Variants in EXTL3 observed in about 807,000 individuals in gnomAD.
EXTL3 encodes the protein exostosin like glycosyltransferase 3.
A neutral mutation model predicts 69.3 loss-of-function variants in EXTL3; 27 were observed. The observed-to-expected ratio is 0.39, with a 90% CI of 0.29 to 0.54. The LOEUF (loss-of-function observed/expected upper bound fraction) is 0.54. Among genes scored for constraint, EXTL3 ranks in the 20% least tolerant of loss-of-function variants. EXTL3 has a pLI of 0.69. For missense variants in EXTL3, 1,003 were observed against 1,231.8 expected (o/e 0.81, Z 2.78); for synonymous variants, 511 against 499.4 (o/e 1.02, Z -0.31).
intron 2 of EXTL3, among the ~76,000 whole-genome samples, chr8:28,713,815 T>C (rs1445245128): frequency 3.3e-5 from 5 of 152,188 alleles, no homozygotes; most frequent in African/African-American, 4.8e-5. Flanking sequence ...TCAGGTGTTC[T>C]TTGTAATGGA....
intron 1 of EXTL3, among the ~76,000 whole-genome samples, chr8:28,643,761 T>G (rs188973945): frequency 5.3e-5 from 8 of 152,210 alleles, no homozygotes; most frequent in African/African-American, 4.8e-5. Context: ...TTCTTAACAA[T>G]ATAGGTTTTG....
At chr8:28,747,647 G>T (rs1224570614) in intron 6 of EXTL3, among the ~76,000 whole-genome samples, 1 of 151,550 alleles carries the variant, frequency 6.6e-6, no homozygotes, top group African/African-American at 2.4e-5. Context: ...CCTGTCTATC[G>T]TGGTGACTTA....
At chr8:28,645,403 C>A (rs1806811823) in intron 1 of EXTL3, among the ~76,000 whole-genome samples, 1 of 152,108 alleles carries the variant, frequency 6.6e-6, no homozygotes, top group Non-Finnish European at 1.5e-5. Flanking sequence ...GGGGATTTAA[C>A]ACATAAGTAC....
intron 3 of EXTL3, among the ~76,000 whole-genome samples, chr8:28,727,613 A>G (rs528888857): frequency 2.0e-5 from 3 of 152,342 alleles, no homozygotes; most frequent in East Asian, 3.9e-4. Flanking sequence ...AAGTAACTTC[A>G]GATTTTGCAA....
At chr8:28,679,400 C>T (rs1201951232) in intron 1 of EXTL3, among the ~76,000 whole-genome samples, 7 of 152,052 alleles carry the variant, frequency 4.6e-5, no homozygotes, top group Admixed American at 4.6e-4. Flanking sequence ...GAACCAAGAT[C>T]GTGCCACTAC....
At chr8:28,653,503 G>A (rs1806959198) in intron 1 of EXTL3, among the ~76,000 whole-genome samples, 1 of 152,056 alleles carries the variant, frequency 6.6e-6, no homozygotes, top group Non-Finnish European at 1.5e-5. Context: ...TTATAGTTCT[G>A]CCTCTTAAAT....
chr8:28,717,321 G>A lies in EXTL3; in HGVS notation c.1262G>A (p.Arg421His), dbSNP rs1216614157. ...GCACTGTGTGGAGAGCGGGAGGACC[G>A]CTTGGAATTGCTGAAGCTCTCCACC... ...EWALCGERED[R>H]LELLKLSTFA... The change falls in exon 3 of 7, where the codon CGC becomes CAC. Residue 421 changes from arginine to histidine, a missense_variant. Coordinates refer to ENST00000220562, the MANE Select transcript of EXTL3 (RefSeq NM_001440.4). The surrounding 1 kb of genome is among the most constrained non-coding windows in gnomAD (Gnocchi z 8.3). 5 of 1,614,062 alleles carry A rather than the reference G, an allele frequency of 3.1e-6. No homozygotes were observed. The highest frequency in any genetic ancestry group is 1.7e-6 in the Non-Finnish European group (2 of 1,180,036).
chr8:28,715,928 G>T lies in EXTL3; in HGVS notation c.-132G>T. On this transcript the variant is annotated 5_prime_UTR_variant, in exon 3 of 7. Coordinates refer to ENST00000220562, the MANE Select transcript of EXTL3 (RefSeq NM_001440.4). ...GGAAAATGAAATGTTCATTTTATTT[G>T]GTGCCTTGTCTGGGGAGCACACTAA... 1 of 689,260 alleles carries T rather than the reference G, an allele frequency of 1.5e-6. No homozygotes were observed. Among genetic ancestry groups the T allele is most frequent in the Non-Finnish European group, 2.4e-6 (1 of 409,288 alleles). The allele number at this position is 689,260 out of a possible 1,614,324, so 42.7% of individuals were successfully genotyped here.
chr8:28,717,009 C>A lies in EXTL3; in HGVS notation c.950C>A (p.Ser317Ter), dbSNP rs1187100125. 1 of 1,614,238 alleles carries A rather than the reference C, an allele frequency of 6.2e-7. No homozygotes were observed. The highest frequency in any genetic ancestry group is 8.5e-7 in the Non-Finnish European group (1 of 1,180,038). Residue 317 changes from serine (S) to a stop codon, truncating the protein, a stop_gained, in exon 3 of 7, where the codon TCA becomes TAA. Transcript: ENST00000220562. LOFTEE classifies it high-confidence loss of function. This position sits in a 1 kb window ranked among gnomAD's most constrained non-coding sequence, Gnocchi z 8.3. The part of the protein sequence containing the change: ...QYRPGFDLVV[S>*]PLVHAMSEPN... Reference sequence around the variant, plus strand: ...AGACCTGGCTTTGACTTGGTCGTATCACCGCTGGTCCATGCCATGTCTGAG... The same window carrying A: ...AGACCTGGCTTTGACTTGGTCGTATAACCGCTGGTCCATGCCATGTCTGAG...
At chr8:28,749,623 T>TTTCATTCATTCATTCA (rs139624117) in intron 6 of EXTL3, among the ~76,000 whole-genome samples, 13 of 150,616 alleles carry the variant, frequency 8.6e-5, no homozygotes, top group Non-Finnish European at 1.9e-4. Context: ...CCTCTGAGGA[T>TTTCATTCATTCATTCA]TTCATTCATT....
intron 1 of EXTL3, among the ~76,000 whole-genome samples, chr8:28,642,281 T>TA (rs916052577): frequency 3.3e-5 from 5 of 150,948 alleles, no homozygotes; most frequent in African/African-American, 1.2e-4. Flanking sequence ...CCATCTCTAT[T>TA]AAAAAAAATA....
At chr8:28,647,383 G>A (rs352414) in intron 1 of EXTL3, among the ~76,000 whole-genome samples, 19,489 of 152,158 alleles carry the variant, frequency 0.13, 1,441 homozygotes, top group South Asian at 0.24. Context: ...GGGATTACAG[G>A]CCTCAATTTA....
At chr8:28,721,714 C>A (rs1407054658) in intron 3 of EXTL3, among the ~76,000 whole-genome samples, 1 of 152,224 alleles carries the variant, frequency 6.6e-6, no homozygotes, top group Non-Finnish European at 1.5e-5. Context: ...GTAATCCCTT[C>A]TTGATAGATA....
chr8:28,650,643 C>T (rs932863858), intron 1 of EXTL3, among the ~76,000 whole-genome samples: 1 of 152,104 alleles, frequency 6.6e-6, no homozygotes, highest in East Asian at 1.9e-4. Context: ...AGGCATGAGC[C>T]ACTGTGCCCG....
At chr8:28,706,960 T>G (rs561124561) in intron 1 of EXTL3, among the ~76,000 whole-genome samples, 1 of 152,310 alleles carries the variant, frequency 6.6e-6, no homozygotes, top group African/African-American at 2.4e-5. Context: ...TGAGATGAGA[T>G]TACATGTATA....
At chr8:28,735,526 A>C (rs1801632850) in intron 4 of EXTL3, among the ~76,000 whole-genome samples, 1 of 152,200 alleles carries the variant, frequency 6.6e-6, no homozygotes, top group Non-Finnish European at 1.5e-5. Context: ...TTTGAGATTT[A>C]GCCTCTGGTA....
intron 1 of EXTL3, among the ~76,000 whole-genome samples, chr8:28,645,290 C>T (rs1323799323): frequency 6.6e-6 from 1 of 152,218 alleles, no homozygotes; most frequent in African/African-American, 2.4e-5. Flanking sequence ...TTCTGGAAAT[C>T]TATCTTATGG....
intron 1 of EXTL3, among the ~76,000 whole-genome samples, chr8:28,659,060 C>T (rs1807061467): frequency 6.6e-6 from 1 of 152,156 alleles, no homozygotes; most frequent in South Asian, 2.1e-4. Flanking sequence ...AGGATAAATT[C>T]CCAGAAGTTA....
chr8:28,646,044 G>A (rs1806824522), intron 1 of EXTL3, among the ~76,000 whole-genome samples: 1 of 150,884 alleles, frequency 6.6e-6, no homozygotes, highest in East Asian at 2.0e-4. Context: ...TGTATATTTG[G>A]TAGGGATGGG....
Sources: allele counts gnomAD v4.1 joint callset (sites outside exome capture counted in the v4.1 genomes callset), GRCh38; gene constraint gnomAD v4.1.1; non-coding constraint Gnocchi (gnomAD v3.1); transcripts MANE v1.5; gene names NCBI Gene and HGNC (gene_info 2026-07-23, HGNC 2026-07-21).